Variants in CCSER1 observed in about 807,000 individuals in gnomAD.
CCSER1 encodes the protein serine-rich coiled-coil domain-containing protein 1.
A neutral mutation model predicts 82.0 loss-of-function variants in CCSER1; 41 were observed. That is an observed-to-expected ratio of 0.50 (90% CI 0.39 to 0.65). The LOEUF (loss-of-function observed/expected upper bound fraction) is 0.65, where lower values mean the gene tolerates loss of function less well. Among genes scored for constraint, CCSER1 ranks in the 30% least tolerant of loss-of-function variants. CCSER1 has a pLI of 0.00. For missense variants in CCSER1, 1,119 were observed against 1,064.2 expected, an observed-to-expected ratio of 1.05 and a Z score of -0.72; for synonymous variants, 414 against 383.9, an observed-to-expected ratio of 1.08 and a Z score of -0.92.
chr4:91,429,645 G>A (rs1754179655), intron 10 of CCSER1, among the ~76,000 whole-genome samples: 1 of 151,702 alleles, frequency 6.6e-6, no homozygotes, highest in East Asian at 1.9e-4. Flanking sequence ...GTTGATTTTT[G>A]TTAATAAGGC....
At chr4:91,205,361 A>G (rs1401612131) in intron 10 of CCSER1, among the ~76,000 whole-genome samples, 2 of 151,936 alleles carry the variant, frequency 1.3e-5, no homozygotes, top group East Asian at 3.9e-4. Flanking sequence ...TTTCTTTGAT[A>G]TATTTCAAGT....
chr4:90,244,754 G>C (rs879078617), intron 1 of CCSER1, among the ~76,000 whole-genome samples: 1 of 152,150 alleles, frequency 6.6e-6, no homozygotes, highest in Non-Finnish European at 1.5e-5. Context: ...TTCCTACCAG[G>C]TCTCTCCTTC....
chr4:90,499,330 A>G (rs1258888697), intron 5 of CCSER1, among the ~76,000 whole-genome samples: 1 of 152,118 alleles, frequency 6.6e-6, no homozygotes, highest in Non-Finnish European at 1.5e-5. Flanking sequence ...AGGAACTACC[A>G]AGAGATCTAT....
intron 4 of CCSER1, among the ~76,000 whole-genome samples, chr4:90,456,695 C>T (rs1371450162): frequency 6.6e-6 from 1 of 152,222 alleles, no homozygotes; most frequent in Non-Finnish European, 1.5e-5. Flanking sequence ...TTAAGTCCAG[C>T]AGCTATGCTA....
At position 91,544,286 on chromosome 4, in the gene CCSER1, C is replaced by T. The variant is rs191453845; in HGVS notation, c.2218-54286C>T. Reference sequence around the variant, plus strand: ...CTCGGAGAAGTTTGTTACTACCAATCGTCTGAAGCCTTCTTCTCTCAACTC... The same window carrying T: ...CTCGGAGAAGTTTGTTACTACCAATTGTCTGAAGCCTTCTTCTCTCAACTC... On this transcript the variant is annotated intron_variant, in intron 10 of 10. Transcript: ENST00000509176. Among the ~76,000 whole-genome samples the T allele has an allele frequency of 3.3e-4, 51 of 152,250 alleles. 1 individual carries two copies. The East Asian group carries it at 8.3e-3, about 25-fold the overall frequency.
At chr4:90,182,513 T>C (rs1247147060) in intron 1 of CCSER1, among the ~76,000 whole-genome samples, 1 of 152,178 alleles carries the variant, frequency 6.6e-6, no homozygotes, top group Middle Eastern at 3.2e-3. Flanking sequence ...TTACAGGATA[T>C]GTTGTTATAT....
At chr4:91,396,968 C>A (rs1752022695) in intron 10 of CCSER1, among the ~76,000 whole-genome samples, 5 of 151,976 alleles carry the variant, frequency 3.3e-5, no homozygotes, top group Admixed American at 3.3e-4. Flanking sequence ...AACTCTAAAG[C>A]CCAAATGCAA....
At chr4:90,265,834 C>T (rs1725141864) in intron 1 of CCSER1, among the ~76,000 whole-genome samples, 1 of 152,024 alleles carries the variant, frequency 6.6e-6, no homozygotes, top group African/African-American at 2.4e-5. Flanking sequence ...ATAAAATGCA[C>T]TGCAGTCTTC....
At chr4:91,501,327 T>C (rs1228998507) in intron 10 of CCSER1, among the ~76,000 whole-genome samples, 1 of 151,916 alleles carries the variant, frequency 6.6e-6, no homozygotes, top group Non-Finnish European at 1.5e-5. Flanking sequence ...ACATTAATCT[T>C]ATTTTTTCCA....
chr4:91,142,536 C>T (rs1398550635), intron 10 of CCSER1, among the ~76,000 whole-genome samples: 3 of 152,082 alleles, frequency 2.0e-5, no homozygotes, highest in Non-Finnish European at 4.4e-5. Context: ...CAATTATTTG[C>T]CAAGGCTGAT....
intron 8 of CCSER1, among the ~76,000 whole-genome samples, chr4:90,825,549 GTTT>G (rs1050731806): frequency 7.2e-5 from 11 of 152,140 alleles, no homozygotes; most frequent in African/African-American, 2.6e-4. Context: ...GGAAATATGT[GTTT>G]TTTTGTGTGT....
At chr4:91,337,413 T>C (rs546187988) in intron 10 of CCSER1, among the ~76,000 whole-genome samples, 1 of 152,280 alleles carries the variant, frequency 6.6e-6, no homozygotes, top group African/African-American at 2.4e-5. Flanking sequence ...TCCTGTTCAG[T>C]TAATCTAAAT....
At chr4:91,512,204 T>C (rs542799416) in intron 10 of CCSER1, among the ~76,000 whole-genome samples, 1 of 152,272 alleles carries the variant, frequency 6.6e-6, no homozygotes, top group Admixed American at 6.5e-5. Flanking sequence ...AAGATTAACA[T>C]TTGAATCAGC....
At chr4:91,379,388 T>C (rs1750693101) in intron 10 of CCSER1, among the ~76,000 whole-genome samples, 1 of 152,174 alleles carries the variant, frequency 6.6e-6, no homozygotes, top group Non-Finnish European at 1.5e-5. Flanking sequence ...TCCTGGACTT[T>C]TTTTTGGTTG....
intron 10 of CCSER1, among the ~76,000 whole-genome samples, chr4:91,452,727 G>A (rs932278314): frequency 2.0e-5 from 3 of 152,058 alleles, no homozygotes; most frequent in Non-Finnish European, 2.9e-5. Context: ...TGTTTGACCT[G>A]TAAAGCTAAT....
At chr4:91,136,108 T>C (rs1728447471) in intron 10 of CCSER1, among the ~76,000 whole-genome samples, 1 of 152,186 alleles carries the variant, frequency 6.6e-6, no homozygotes, top group Non-Finnish European at 1.5e-5. Context: ...TCCAAATGTT[T>C]TGTCATCCAA....
chr4:90,690,001 C>T (rs1340337021), intron 6 of CCSER1, among the ~76,000 whole-genome samples: 1 of 152,032 alleles, frequency 6.6e-6, no homozygotes, highest in Non-Finnish European at 1.5e-5. Flanking sequence ...AAGGTGTAAG[C>T]CTTTCAAAGC....
chr4:91,571,862 T>C (rs1763201175), intron 10 of CCSER1, among the ~76,000 whole-genome samples: 1 of 152,048 alleles, frequency 6.6e-6, no homozygotes, highest in Non-Finnish European at 1.5e-5. Context: ...GGGGTGTGTA[T>C]AGACTCGTGG....
intron 1 of CCSER1, among the ~76,000 whole-genome samples, chr4:90,307,675 A>G (rs767979922): frequency 6.6e-6 from 1 of 151,918 alleles, no homozygotes; most frequent in Non-Finnish European, 1.5e-5. Context: ...GAAGAAAAAA[A>G]GTCTATAGCC....
Sources: gnomAD v4.1 joint callset for allele counts (sites outside exome capture counted in the v4.1 genomes callset) on GRCh38, gnomAD v4.1.1 for gene constraint, MANE v1.5 for transcripts, NCBI Gene and HGNC (gene_info 2026-07-23, HGNC 2026-07-21) for gene names.